CDH18: variants seen among roughly 807,000 people sequenced by gnomAD.
CDH18 encodes the protein cadherin 18, also known as cadherin-18.
A neutral mutation model predicts 67.9 loss-of-function variants in CDH18; 31 were observed. The observed-to-expected ratio is 0.46, with a 90% CI of 0.34 to 0.62. CDH18 has a LOEUF of 0.62. Ranked by LOEUF, CDH18 falls within the 20% of genes least tolerant of loss-of-function variation. The pLI is 0.01. For synonymous variants in CDH18, 362 were observed against 347.2 expected (o/e 1.04, Z -0.48); for missense variants, 890 against 975.5 (o/e 0.91, Z 1.17).
chr5:20,209,414 C>T (rs112737445), intron 2 of CDH18, among the ~76,000 whole-genome samples: 1,852 of 152,092 alleles, frequency 0.012, 26 homozygotes, highest in Non-Finnish European at 0.018. Flanking sequence ...GCCTATTATT[C>T]AGACATAAAA....
intron 1 of CDH18, among the ~76,000 whole-genome samples, chr5:20,528,773 T>C (rs1756220262): frequency 6.6e-6 from 1 of 151,992 alleles, no homozygotes; most frequent in African/African-American, 2.4e-5. Context: ...TAGCACTAAA[T>C]GTCCACATGA....
At chr5:19,924,261 C>T (rs1301750780) in intron 2 of CDH18, among the ~76,000 whole-genome samples, 1 of 152,162 alleles carries the variant, frequency 6.6e-6, no homozygotes, top group Non-Finnish European at 1.5e-5. Context: ...GCAGTCTGTC[C>T]TCTCCTCTCC....
chr5:19,563,910 C>A (rs533168884), intron 8 of CDH18, among the ~76,000 whole-genome samples: 1 of 152,270 alleles, frequency 6.6e-6, no homozygotes, highest in East Asian at 1.9e-4. Flanking sequence ...AATCTGTGCA[C>A]TTTGGGGAGG....
At chr5:20,532,980 C>A (rs996656356) in intron 1 of CDH18, among the ~76,000 whole-genome samples, 2 of 152,008 alleles carry the variant, frequency 1.3e-5, no homozygotes, top group East Asian at 1.9e-4. Context: ...TCCTCTCCCC[C>A]AGGGCTTCAG....
At chr5:19,490,392 C>CTTTTTTTTT (rs1561183202) in intron 11 of CDH18, among the ~76,000 whole-genome samples, 2 of 40,304 alleles carry the variant, frequency 5.0e-5, no homozygotes, top group African/African-American at 1.0e-4. Flanking sequence ...ATATAAAAAT[C>CTTTTTTTTT]TGTTTTTTTT....
Position 19,496,162 on chromosome 5 carries a change from A to T in CDH18, c.1630+6830T>A, listed in dbSNP as rs916165663. On this transcript the variant is annotated intron_variant, in intron 11 of 12. Coordinates refer to ENST00000382275, the MANE Select transcript of CDH18 (RefSeq NM_004934.5). Reference sequence around the variant, plus strand: ...TAAAGCTAAAGGCCACTGTGAGTGCACAAGGAGGCTCTCAGTCTAGAGCCC... The same window carrying T: ...TAAAGCTAAAGGCCACTGTGAGTGCTCAAGGAGGCTCTCAGTCTAGAGCCC... 2.6e-5 allele frequency among the ~76,000 whole-genome samples: 4 copies of T among 152,330 alleles called. 1 individual carries two copies. Among genetic ancestry groups the T allele is most frequent in the Non-Finnish European group, 5.9e-5 (4 of 68,024 alleles).
In CDH18 at chr5:19,948,178, A is replaced by T. The variant is rs556047980; in HGVS notation, c.-257+32882T>A. Among the ~76,000 whole-genome samples the T allele has an allele frequency of 1.5e-4, 23 of 152,300 alleles. No homozygotes were observed. The South Asian group carries it at 3.1e-3, about 21-fold the overall frequency. The stretch of plus-strand genomic sequence containing the variant: ...GTGTTACTGGTACAAATGTAAAACA[A>T]GACATCCACTCCTTAAATTAATCTG... On this transcript the variant is annotated intron_variant, in intron 2 of 12. Coordinates refer to ENST00000382275, the MANE Select transcript of CDH18 (RefSeq NM_004934.5).
chr5:20,174,736 G>T (rs1737100807), intron 2 of CDH18, among the ~76,000 whole-genome samples: 1 of 152,024 alleles, frequency 6.6e-6, no homozygotes, highest in Non-Finnish European at 1.5e-5. Flanking sequence ...CGGTAAATAT[G>T]ATCCCATTAT....
chr5:20,291,237 T>C (rs928731101), intron 1 of CDH18, among the ~76,000 whole-genome samples: 1 of 152,154 alleles, frequency 6.6e-6, no homozygotes, highest in African/African-American at 2.4e-5. Context: ...GTTAAAAATA[T>C]TCAATTGAGA....
chr5:20,516,744 C>T (rs1755399287), intron 1 of CDH18, among the ~76,000 whole-genome samples: 1 of 151,792 alleles, frequency 6.6e-6, no homozygotes. Context: ...ATTTGTATGA[C>T]TATTTATAAC....
At chr5:19,659,610 G>A (rs956604522) in intron 5 of CDH18, among the ~76,000 whole-genome samples, 2 of 151,998 alleles carry the variant, frequency 1.3e-5, no homozygotes, top group Admixed American at 6.6e-5. Context: ...ATTAAGAGGC[G>A]GGGCCATTAG....
chr5:19,606,717 C>T (rs1748102453), intron 6 of CDH18, among the ~76,000 whole-genome samples: 1 of 151,782 alleles, frequency 6.6e-6, no homozygotes. Context: ...ACCTAGCTGA[C>T]ATACTTTGTA....
chr5:19,712,447 A>C (rs1387916980), intron 5 of CDH18, among the ~76,000 whole-genome samples: 1 of 151,998 alleles, frequency 6.6e-6, no homozygotes, highest in African/African-American at 2.4e-5. Flanking sequence ...CAAAAGGGCT[A>C]CTGCTATGTT....
At chr5:20,079,874 A>G (rs1192625464) in intron 2 of CDH18, among the ~76,000 whole-genome samples, 2 of 152,092 alleles carry the variant, frequency 1.3e-5, no homozygotes, top group Non-Finnish European at 2.9e-5. Context: ...TGGTTTGCAA[A>G]CAGCCATCTT....
chr5:20,534,804 C>A (rs1756619611), intron 1 of CDH18, among the ~76,000 whole-genome samples: 1 of 150,044 alleles, frequency 6.7e-6, no homozygotes, highest in Non-Finnish European at 1.5e-5. Context: ...GACTTCTGAA[C>A]TCTGTTAGTT....
chr5:19,753,584 A>G (rs1250575511), intron 3 of CDH18, among the ~76,000 whole-genome samples: 3 of 152,226 alleles, frequency 2.0e-5, no homozygotes, highest in Non-Finnish European at 4.4e-5. Context: ...GAAATCTAAA[A>G]GTTTGGAAAA....
At chr5:19,892,425 T>C (rs1788871493) in intron 2 of CDH18, among the ~76,000 whole-genome samples, 1 of 152,148 alleles carries the variant, frequency 6.6e-6, no homozygotes, top group Non-Finnish European at 1.5e-5. Flanking sequence ...ATCAACTTTG[T>C]AATGTTATTA....
chr5:19,609,757 G>A (rs757637224), intron 6 of CDH18, among the ~76,000 whole-genome samples: 12 of 152,004 alleles, frequency 7.9e-5, no homozygotes, highest in Non-Finnish European at 1.6e-4. Context: ...GGTGATGAGA[G>A]AAAGAAGTAG....
At chr5:19,488,318 A>G (rs904937786) in intron 11 of CDH18, among the ~76,000 whole-genome samples, 3 of 152,230 alleles carry the variant, frequency 2.0e-5, no homozygotes, top group African/African-American at 7.2e-5. Flanking sequence ...ACTCTCAGTT[A>G]TATCAGCAAA....
Sources: allele counts gnomAD v4.1 joint callset (sites outside exome capture counted in the v4.1 genomes callset), GRCh38; gene constraint gnomAD v4.1.1; transcripts MANE v1.5; gene names NCBI Gene and HGNC (gene_info 2026-07-23, HGNC 2026-07-21).